The following ABLIM2 variants were observed in gnomAD, a reference collection of about 807,000 sequenced individuals.
The protein encoded by ABLIM2 is actin binding LIM protein family member 2.
Under a neutral mutation model 97.7 loss-of-function variants are expected in ABLIM2, and 53 were observed. The observed-to-expected ratio is 0.54, with a 90% CI of 0.44 to 0.68. The LOEUF (loss-of-function observed/expected upper bound fraction) is 0.68, where lower values mean the gene tolerates loss of function less well. ABLIM2 is among the 30% of genes least tolerant of loss of function. ABLIM2 has a pLI of 0.00. For missense variants in ABLIM2, 835 were observed against 867.2 expected, an observed-to-expected ratio of 0.96 and a Z score of 0.47; for synonymous variants, 361 against 345.8, an observed-to-expected ratio of 1.04 and a Z score of -0.49.
At chr4:8,137,494 G>A (rs1039494323) in intron 1 of ABLIM2, among the ~76,000 whole-genome samples, 3 of 152,228 alleles carry the variant, frequency 2.0e-5, no homozygotes, top group Admixed American at 2.0e-4. Flanking sequence ...TCCCATGAGG[G>A]GAACCGCCTG....
rs1196926750 is a variant in ABLIM2, at chr4:8,002,741, A to G, written c.1618+5318T>C. 6.6e-6 allele frequency among the ~76,000 whole-genome samples: 1 copy of G among 152,092 alleles called. No homozygotes were observed. Among genetic ancestry groups the G allele is most frequent in the Non-Finnish European group, 1.5e-5 (1 of 68,012 alleles). On this transcript the variant is annotated intron_variant, in intron 16 of 20. Coordinates refer to ENST00000447017, the MANE Select transcript of ABLIM2 (RefSeq NM_001130083.2). This position sits in a 1 kb window ranked among gnomAD's most constrained non-coding sequence, Gnocchi z 6.1. ...GTCAGGCCAGGCTTGAGTCCTCCCA[A>G]GGGCACACAAACTGCTCTGTGACCT...
At chr4:8,074,526 CTATA>C (rs1814642827) in intron 6 of ABLIM2, among the ~76,000 whole-genome samples, 1 of 152,168 alleles carries the variant, frequency 6.6e-6, no homozygotes, top group Non-Finnish European at 1.5e-5. Context: ...AGGAGAAATA[CTATA>C]TCTTGTTGAC....
At chr4:8,154,707 G>C (rs1202185442) in intron 1 of ABLIM2, among the ~76,000 whole-genome samples, 1 of 152,222 alleles carries the variant, frequency 6.6e-6, no homozygotes, top group Non-Finnish European at 1.5e-5. Context: ...GTAAGTTCAA[G>C]AGAACATAGA....
At chr4:7,979,165 C>T (rs1736025984) in intron 20 of ABLIM2, among the ~76,000 whole-genome samples, 1 of 152,248 alleles carries the variant, frequency 6.6e-6, no homozygotes, top group Admixed American at 6.5e-5. Flanking sequence ...GGCCTTTCCT[C>T]TTCTGTGGGG....
chr4:8,041,316 G>C (rs1788320991), intron 9 of ABLIM2: 1 of 152,258 alleles, frequency 6.6e-6, no homozygotes, highest in African/African-American at 2.4e-5. Context: ...ATCGTGGCTG[G>C]GTCCCCAGGG....
intron 1 of ABLIM2, among the ~76,000 whole-genome samples, chr4:8,131,943 C>T (rs1006310397): frequency 8.0e-5 from 12 of 150,524 alleles, no homozygotes; most frequent in African/African-American, 1.7e-4. Context: ...GAACATCAGC[C>T]TGCATCCCTG....
At chr4:8,103,600 T>G (rs549237798) in intron 2 of ABLIM2, among the ~76,000 whole-genome samples, 3 of 152,218 alleles carry the variant, frequency 2.0e-5, no homozygotes, top group Non-Finnish European at 4.4e-5. Context: ...CCATGGTCAC[T>G]AATCATCTTG....
At chr4:8,101,439 G>GT (rs1424849238) in intron 2 of ABLIM2, among the ~76,000 whole-genome samples, 1 of 152,220 alleles carries the variant, frequency 6.6e-6, no homozygotes, top group Non-Finnish European at 1.5e-5. Context: ...GCCCAGGGCT[G>GT]TTTCTCATAA....
Position 8,019,387 on chromosome 4 carries a change from C to T in ABLIM2, c.1423+231G>A, listed in dbSNP as rs763180200. 6.6e-6 allele frequency among the ~76,000 whole-genome samples: 1 copy of T among 152,152 alleles called. No homozygotes were observed. Among genetic ancestry groups the T allele is most frequent in the Admixed American group, 6.5e-5 (1 of 15,268 alleles). ...CCTGGCTGATGTGCATTAGCCTCGG[C>T]GTCGTAACGCACAGAAGTTCCTTAC... On this transcript the variant is annotated intron_variant, in intron 14 of 20. Coordinates refer to ENST00000447017, the MANE Select transcript of ABLIM2 (RefSeq NM_001130083.2). The surrounding 1 kb of genome is among the most constrained non-coding windows in gnomAD (Gnocchi z 4.3).
chr4:8,091,066 C>T (rs542076463), intron 3 of ABLIM2, among the ~76,000 whole-genome samples: 4 of 150,962 alleles, frequency 2.6e-5, no homozygotes, highest in East Asian at 1.9e-4. Context: ...TTTCCATGGC[C>T]GTTGTGCCAT....
chr4:8,081,984 C>T (rs558460622), intron 4 of ABLIM2, among the ~76,000 whole-genome samples: 5 of 152,158 alleles, frequency 3.3e-5, no homozygotes, highest in South Asian at 2.1e-4. Context: ...TCTGCATGTG[C>T]GAATATGTCT....
chr4:7,980,768 A>G (rs377363664), intron 20 of ABLIM2, among the ~76,000 whole-genome samples: 1 of 151,242 alleles, frequency 6.6e-6, no homozygotes, highest in East Asian at 1.9e-4. Context: ...GGAAATTTAC[A>G]TTCCAGAATC....
chr4:8,102,495 C>T (rs1486262885), intron 2 of ABLIM2, among the ~76,000 whole-genome samples: 4 of 152,202 alleles, frequency 2.6e-5, no homozygotes. Flanking sequence ...ATGGCTATCT[C>T]CCAAATACCC....
Position 8,106,566 on chromosome 4 carries a change from C to T in ABLIM2, c.82G>A (p.Gly28Arg). Residue 28 changes from glycine to arginine, a missense_variant, in exon 2 of 21, where the codon GGG (glycine) becomes AGG (arginine). Gly to Arg is a moderately radical substitution (Grantham distance 125, BLOSUM62 -2). Coordinates refer to ENST00000447017, the MANE Select transcript of ABLIM2 (RefSeq NM_001130083.2). ...AGCACCTCGCCCTTGCACACATTCC[C>T]ACACGTGTTGCACAGGATCGCCGTG... ...PSTAILCNTC[G>R]NVCKGEVLRV... 1 of 1,610,452 alleles carries T rather than the reference C, an allele frequency of 6.2e-7. No homozygotes were observed. The highest frequency in any genetic ancestry group is 8.5e-7 in the Non-Finnish European group (1 of 1,178,722).
intron 9 of ABLIM2, among the ~76,000 whole-genome samples, chr4:8,040,990 A>T (rs1788079441): frequency 6.6e-6 from 1 of 152,246 alleles, no homozygotes; most frequent in African/African-American, 2.4e-5. Flanking sequence ...AGGAAGCAGC[A>T]TGGCACCCCA....
At chr4:8,118,642 T>C (rs1256675172) in intron 1 of ABLIM2, among the ~76,000 whole-genome samples, 2 of 151,942 alleles carry the variant, frequency 1.3e-5, no homozygotes, top group African/African-American at 4.8e-5. Context: ...GGTACCCACC[T>C]GGTTGCCTGA....
intron 8 of ABLIM2, among the ~76,000 whole-genome samples, chr4:8,049,939 G>A (rs1271742790): frequency 2.0e-5 from 3 of 152,136 alleles, no homozygotes; most frequent in Non-Finnish European, 4.4e-5. Flanking sequence ...TGTTGGCCAG[G>A]CTGGTCTCGA....
intron 18 of ABLIM2, 131 bp from the exon 19 acceptor site, chr4:7,983,685 C>T (rs1740886065): frequency 8.8e-6 from 10 of 1,137,658 alleles, no homozygotes; most frequent in South Asian, 2.7e-5. Flanking sequence ...GCATGGTCCC[C>T]GAGCAGCCTG....
chr4:8,152,596 G>A (rs918140027), intron 1 of ABLIM2, among the ~76,000 whole-genome samples: 14 of 152,298 alleles, frequency 9.2e-5, no homozygotes, highest in African/African-American at 3.4e-4. Context: ...TGCTCGACTC[G>A]GGTTGCTCTG....
Sources: allele counts gnomAD v4.1 joint callset (sites outside exome capture counted in the v4.1 genomes callset), GRCh38; gene constraint gnomAD v4.1.1; non-coding constraint Gnocchi (gnomAD v3.1); transcripts MANE v1.5; gene names NCBI Gene and HGNC (gene_info 2026-07-23, HGNC 2026-07-21).